Variants in MGAT4C observed in about 807,000 individuals in gnomAD.
MGAT4C encodes alpha-1,3-mannosyl-glycoprotein 4-beta-N-acetylglucosaminyltransferase C.
MGAT4C carries 19 observed loss-of-function variants against 40.1 expected under a neutral mutation model. That is an observed-to-expected ratio of 0.47 (90% CI 0.33 to 0.70). The LOEUF is 0.70. Ranked by LOEUF, MGAT4C falls within the 30% of genes least tolerant of loss-of-function variation. The pLI is 0.02. For missense variants in MGAT4C, 491 were observed against 563.2 expected, an observed-to-expected ratio of 0.87 and a Z score of 1.30; for synonymous variants, 181 against 187.1, an observed-to-expected ratio of 0.97 and a Z score of 0.27.
chr12:86,471,154 G>C (rs534365985), intron 2 of MGAT4C, among the ~76,000 whole-genome samples: 1 of 151,874 alleles, frequency 6.6e-6, no homozygotes, highest in African/African-American at 2.4e-5. Context: ...CTAACACCAG[G>C]GGGAAATATG....
At chr12:85,989,841 C>A (rs1439308677) in intron 2 of MGAT4C, among the ~76,000 whole-genome samples, 1 of 151,978 alleles carries the variant, frequency 6.6e-6, no homozygotes, top group East Asian at 1.9e-4. Context: ...ATAAAACAGG[C>A]CTCTGATGAG....
At chr12:86,252,722 T>C (rs1952351823) in intron 1 of MGAT4C, among the ~76,000 whole-genome samples, 1 of 151,884 alleles carries the variant, frequency 6.6e-6, no homozygotes, top group South Asian at 2.1e-4. Flanking sequence ...AAATTCTTCA[T>C]TTTTTATTAT....
At chr12:86,285,765 A>T (rs1359747402) in intron 4 of MGAT4C, among the ~76,000 whole-genome samples, 1 of 152,030 alleles carries the variant, frequency 6.6e-6, no homozygotes, top group African/African-American at 2.4e-5. Flanking sequence ...TGTCCATAAA[A>T]ATTGCAAATT....
intron 1 of MGAT4C, among the ~76,000 whole-genome samples, chr12:86,778,161 C>T (rs757727310): frequency 2.0e-5 from 3 of 151,948 alleles, no homozygotes; most frequent in East Asian, 1.9e-4. Context: ...GTAAGCAAGA[C>T]GAAAGATAAG....
chr12:86,743,078 G>A (rs1243234311), intron 1 of MGAT4C, among the ~76,000 whole-genome samples: 1 of 149,472 alleles, frequency 6.7e-6, no homozygotes, highest in Non-Finnish European at 1.5e-5. Flanking sequence ...GTATGCATGT[G>A]TGTATGTGTG....
At chr12:86,590,537 C>A (rs969307223) in intron 2 of MGAT4C, among the ~76,000 whole-genome samples, 2 of 151,922 alleles carry the variant, frequency 1.3e-5, no homozygotes, top group Non-Finnish European at 2.9e-5. Context: ...CTTTCAAAAC[C>A]CTGCCAGTAA....
At chr12:86,642,884 G>A (rs1045129142) in intron 2 of MGAT4C, among the ~76,000 whole-genome samples, 2 of 151,606 alleles carry the variant, frequency 1.3e-5, no homozygotes, top group Non-Finnish European at 2.9e-5. Context: ...TTTTGATGAG[G>A]ATATGGCAAA....
At chr12:86,646,432 C>T (rs1384433913) in intron 2 of MGAT4C, among the ~76,000 whole-genome samples, 2 of 151,756 alleles carry the variant, frequency 1.3e-5, no homozygotes. Flanking sequence ...ATTATGAGAA[C>T]ATGATTGTGA....
chr12:86,504,160 A>C (rs1234455776), intron 2 of MGAT4C, among the ~76,000 whole-genome samples: 1 of 151,972 alleles, frequency 6.6e-6, no homozygotes, highest in African/African-American at 2.4e-5. Flanking sequence ...AAAATTAAAA[A>C]CTTGGCAATA....
chr12:86,252,681 G>A (rs1273810856), intron 1 of MGAT4C, among the ~76,000 whole-genome samples: 1 of 151,312 alleles, frequency 6.6e-6, no homozygotes, highest in Non-Finnish European at 1.5e-5. Context: ...ACTATCATTT[G>A]GGAGATATTA....
chr12:86,252,297 G>A (rs903943966), intron 1 of MGAT4C, among the ~76,000 whole-genome samples: 1 of 151,992 alleles, frequency 6.6e-6, no homozygotes, highest in Non-Finnish European at 1.5e-5. Context: ...CAGGGCTATT[G>A]TTTTATTATT....
At chr12:86,563,008 G>A (rs1742081812) in intron 2 of MGAT4C, among the ~76,000 whole-genome samples, 1 of 152,096 alleles carries the variant, frequency 6.6e-6, no homozygotes, top group Non-Finnish European at 1.5e-5. Flanking sequence ...AGTAGAGGGA[G>A]GGATCCAAAG....
At chr12:86,212,336 G>A (rs894336234) in intron 1 of MGAT4C, among the ~76,000 whole-genome samples, 2 of 152,006 alleles carry the variant, frequency 1.3e-5, no homozygotes, top group Admixed American at 6.6e-5. Context: ...TGGACGTAGA[G>A]AATATATATC....
At chr12:86,336,973 T>C (rs1954803793) in intron 3 of MGAT4C, among the ~76,000 whole-genome samples, 1 of 152,204 alleles carries the variant, frequency 6.6e-6, no homozygotes, top group Non-Finnish European at 1.5e-5. Context: ...TCATAAGTTG[T>C]ATAATATTAG....
intron 1 of MGAT4C, among the ~76,000 whole-genome samples, chr12:86,149,178 T>TA (rs1225976764): frequency 6.6e-6 from 1 of 152,146 alleles, no homozygotes; most frequent in Non-Finnish European, 1.5e-5. Context: ...AATTTTTTCA[T>TA]AAAAATGTTT....
At chr12:86,753,077 G>A (rs534763764) in intron 1 of MGAT4C, among the ~76,000 whole-genome samples, 1 of 152,172 alleles carries the variant, frequency 6.6e-6, no homozygotes, top group East Asian at 1.9e-4. Context: ...TAAAATTCGT[G>A]ACCTATAAAA....
At chr12:86,772,137 T>C (rs966788341) in intron 1 of MGAT4C, among the ~76,000 whole-genome samples, 1 of 152,006 alleles carries the variant, frequency 6.6e-6, no homozygotes, top group Non-Finnish European at 1.5e-5. Flanking sequence ...GCTAAAGAGA[T>C]TGTATGTATG....
chr12:86,688,927 T>C (rs962769912), intron 2 of MGAT4C, among the ~76,000 whole-genome samples: 17 of 152,214 alleles, frequency 1.1e-4, no homozygotes, highest in Admixed American at 2.6e-4. Flanking sequence ...CTGGATAATA[T>C]CCTGAAGTGT....
At position 86,769,010 on chromosome 12, in the gene MGAT4C, T is replaced by C. The variant is rs532366058; in HGVS notation, c.-261-41769A>G. ...AAGCAATGGCAACAAAAGACAAAAT[T>C]GACAAATGGGATCTAATTAAACGAA... On this transcript the variant is annotated intron_variant, in intron 1 of 7. Transcript: ENST00000548651. 2.6e-4 allele frequency among the ~76,000 whole-genome samples: 40 copies of C among 151,430 alleles called. No homozygotes were observed. In the East Asian group the frequency reaches 7.4e-3, roughly 28 times the overall value.
Sources: allele counts gnomAD v4.1 joint callset (sites outside exome capture counted in the v4.1 genomes callset), GRCh38; gene constraint gnomAD v4.1.1; transcripts MANE v1.5; gene names NCBI Gene and HGNC (gene_info 2026-07-23, HGNC 2026-07-21).